PCDHGB1: variants seen among roughly 807,000 people sequenced by gnomAD.
PCDHGB1 encodes the protein protocadherin gamma subfamily B, 1.
Under a neutral mutation model 56.6 loss-of-function variants are expected in PCDHGB1, and 34 were observed. The ratio of observed to expected loss-of-function variants is 0.60; its 90% CI spans 0.46 to 0.80. PCDHGB1 has a LOEUF of 0.80. Among genes scored for constraint, PCDHGB1 ranks in the 30% least tolerant of loss-of-function variants. PCDHGB1 has a pLI of 0.00. For missense variants in PCDHGB1, 1,278 were observed against 1,204.6 expected, an observed-to-expected ratio of 1.06 and a Z score of -0.90; for synonymous variants, 561 against 505.9, an observed-to-expected ratio of 1.11 and a Z score of -1.46.
At chr5:141,472,620 A>G (rs2099290656) in intron 1 of PCDHGB1, among the ~76,000 whole-genome samples, 1 of 152,136 alleles carries the variant, frequency 6.6e-6, no homozygotes, top group Admixed American at 6.5e-5. Context: ...AGAAGAAAAA[A>G]GATAAAGACT....
intron 1 of PCDHGB1, among the ~76,000 whole-genome samples, chr5:141,450,814 A>ATT (rs755856825): frequency 0.033 from 4,450 of 136,778 alleles, 81 homozygotes; most frequent in Middle Eastern, 0.081. Context: ...TTATTTATTT[A>ATT]ATATTATTAT....
chr5:141,364,432 G>C (rs763376851), intron 1 of PCDHGB1: 3 of 1,613,796 alleles, frequency 1.9e-6, no homozygotes, highest in Non-Finnish European at 8.5e-7. Context: ...TCCGCTACTC[G>C]ATGCCGGAGG....
intron 1 of PCDHGB1, chr5:141,374,849 C>T: frequency 6.2e-7 from 1 of 1,613,754 alleles, no homozygotes; most frequent in Non-Finnish European, 8.5e-7. Context: ...TGAAAACCTG[C>T]CAGTAGGCAC....
chr5:141,404,550 C>A (rs372202008), intron 1 of PCDHGB1: 3 of 1,613,768 alleles, frequency 1.9e-6, no homozygotes, highest in Admixed American at 1.7e-5. Flanking sequence ...ATGCAGGTGA[C>A]GGCAAGTGAC....
chr5:141,403,544 C>A (rs1300060255), intron 1 of PCDHGB1: 2 of 1,613,970 alleles, frequency 1.2e-6, no homozygotes, highest in South Asian at 1.1e-5. Flanking sequence ...GGTGCTGGAG[C>A]GCGCCCTGGA....
At chr5:141,401,734 G>T (rs2094188545) in intron 1 of PCDHGB1, among the ~76,000 whole-genome samples, 1 of 152,166 alleles carries the variant, frequency 6.6e-6, no homozygotes, top group Non-Finnish European at 1.5e-5. Context: ...CTAGTCTTGT[G>T]TACATACAAA....
chr5:141,411,868 A>AG (rs1463496640), intron 1 of PCDHGB1: 1 of 152,224 alleles, frequency 6.6e-6, no homozygotes, highest in East Asian at 1.9e-4. Flanking sequence ...TCAAAAAAAA[A>AG]AGACATTTCT....
rs766795269 is a variant in PCDHGB1, at chr5:141,394,804, T to C, written c.2409+42135T>C. Reference sequence around the variant, plus strand: ...GCCACTGTCACGCTCACCGTAGCCGTGGCTGACAGCATCCCCGAAGTCCTG... The same window carrying C: ...GCCACTGTCACGCTCACCGTAGCCGCGGCTGACAGCATCCCCGAAGTCCTG... On this transcript the variant is annotated intron_variant, in intron 1 of 3. Coordinates refer to ENST00000523390, the MANE Select transcript of PCDHGB1 (RefSeq NM_018922.3). 8 of 1,613,850 alleles carry C rather than the reference T, an allele frequency of 5.0e-6. No individual in the cohort carries two copies. In the South Asian group the frequency reaches 6.6e-5, roughly 13 times the overall value.
intron 1 of PCDHGB1, among the ~76,000 whole-genome samples, chr5:141,460,104 T>C (rs2098982178): frequency 6.6e-6 from 1 of 151,986 alleles, no homozygotes; most frequent in African/African-American, 2.4e-5. Flanking sequence ...CATGTAATTA[T>C]ATATGATTTT....
intron 1 of PCDHGB1, chr5:141,355,056 T>C (rs1323351073): frequency 3.2e-6 from 4 of 1,231,780 alleles, no homozygotes; most frequent in Admixed American, 5.8e-5. Context: ...AAGCACTGGC[T>C]CTGGAGCTTT....
intron 1 of PCDHGB1, chr5:141,384,678 G>A (rs770501792): frequency 5.0e-6 from 8 of 1,614,194 alleles, no homozygotes; most frequent in Middle Eastern, 3.3e-4. Flanking sequence ...AGGTGGTGGC[G>A]GTGGACAAAG....
At chr5:141,478,068 A>T (rs560968418) in intron 1 of PCDHGB1, 1 of 1,614,134 alleles carries the variant, frequency 6.2e-7, no homozygotes, top group East Asian at 2.2e-5. Flanking sequence ...ATCAAAGACA[A>T]TGGGGAGCCT....
intron 1 of PCDHGB1, among the ~76,000 whole-genome samples, chr5:141,488,510 G>A (rs910546464): frequency 1.3e-5 from 2 of 152,152 alleles, no homozygotes; most frequent in Non-Finnish European, 2.9e-5. Context: ...TCCACATTTG[G>A]GGTCTGGGGT....
chr5:141,414,007 A>G (rs1047239460), intron 1 of PCDHGB1: 2 of 1,613,292 alleles, frequency 1.2e-6, no homozygotes, highest in Non-Finnish European at 1.7e-6. Flanking sequence ...CGAAGGTGCC[A>G]ATGGAGAAGT....
rs761853399 is a variant in PCDHGB1, at chr5:141,389,296, A to G, written c.2409+36627A>G. On this transcript the variant is annotated intron_variant, in intron 1 of 3. Transcript: ENST00000523390. ...AACCCGCCTGGAGCCTCTATTTCAC[A>G]AGTCAGGGCTTCTGATCCGGACTTG... is the stretch of plus-strand genomic sequence containing the variant. The G allele has an allele frequency of 3.7e-6, 6 of 1,613,988 alleles. No individual in the cohort carries two copies. The South Asian group carries it at 6.6e-5, about 18-fold the overall frequency.
intron 1 of PCDHGB1, among the ~76,000 whole-genome samples, chr5:141,481,171 C>G (rs927813327): frequency 6.6e-6 from 1 of 152,120 alleles, no homozygotes; most frequent in African/African-American, 2.4e-5. Flanking sequence ...AACCAGAATC[C>G]AGCTTTATTG....
intron 1 of PCDHGB1, chr5:141,393,401 G>C: frequency 6.2e-7 from 1 of 1,614,036 alleles, no homozygotes; most frequent in South Asian, 1.1e-5. Context: ...AGCTGGTGCT[G>C]GAGCGCGCCC....
intron 1 of PCDHGB1, chr5:141,428,599 A>G (rs1324155257): frequency 8.9e-6 from 2 of 223,902 alleles, no homozygotes; most frequent in Non-Finnish European, 1.8e-5. Context: ...AGCAAGCTTC[A>G]CTGAAGAGAA....
intron 1 of PCDHGB1, chr5:141,418,465 A>G (rs2096261082): frequency 6.2e-7 from 1 of 1,614,022 alleles, no homozygotes; most frequent in Non-Finnish European, 8.5e-7. Context: ...CTCTGGACCG[A>G]GAAACGCAGA....
Sources: gnomAD v4.1 joint callset for allele counts (sites outside exome capture counted in the v4.1 genomes callset) on GRCh38, gnomAD v4.1.1 for gene constraint, MANE v1.5 for transcripts, NCBI Gene and HGNC (gene_info 2026-07-23, HGNC 2026-07-21) for gene names.